Variants in NIBAN1 observed in about 807,000 individuals in gnomAD.
The protein encoded by NIBAN1 is protein Niban 1.
A neutral mutation model predicts 75.1 loss-of-function variants in NIBAN1; 81 were observed. The ratio of observed to expected loss-of-function variants is 1.08; its 90% CI spans 0.90 to 1.30. The LOEUF (loss-of-function observed/expected upper bound fraction) is 1.30, where lower values mean the gene tolerates loss of function less well. Among genes scored for constraint, NIBAN1 ranks in the 50% most tolerant of loss-of-function variants. The pLI is 0.00. For missense variants in NIBAN1, 1,133 were observed against 1,128.1 expected (o/e 1.00, Z -0.06); for synonymous variants, 436 against 424.8 (o/e 1.03, Z -0.32).
At chr1:184,820,122 CT>C (rs1174645346) in intron 8 of NIBAN1, among the ~76,000 whole-genome samples, 16 of 152,140 alleles carry the variant, frequency 1.1e-4, no homozygotes, top group Admixed American at 1.0e-3. Flanking sequence ...ATCTAAGAGT[CT>C]TCTAAAAATG....
At chr1:184,896,381 C>T (rs1656802125) in intron 2 of NIBAN1, among the ~76,000 whole-genome samples, 1 of 152,054 alleles carries the variant, frequency 6.6e-6, no homozygotes, top group African/African-American at 2.4e-5. Flanking sequence ...TGTTCATGTC[C>T]TTTGCCCAGT....
intron 5 of NIBAN1, among the ~76,000 whole-genome samples, chr1:184,856,497 T>C (rs1477874957): frequency 6.6e-6 from 1 of 152,130 alleles, no homozygotes; most frequent in African/African-American, 2.4e-5. Context: ...AGGTGACACA[T>C]TCAAAACATG....
At chr1:184,846,095 G>T (rs1467737304) in intron 5 of NIBAN1, among the ~76,000 whole-genome samples, 7 of 79,370 alleles carry the variant, frequency 8.8e-5, no homozygotes, top group Non-Finnish European at 1.5e-4. Context: ...AAAGCAGCCA[G>T]GAAGCTCGAA....
chr1:184,957,151 T>G (rs1454322031), intron 1 of NIBAN1, among the ~76,000 whole-genome samples: 1 of 152,236 alleles, frequency 6.6e-6, no homozygotes, highest in Non-Finnish European at 1.5e-5. Flanking sequence ...AAAAGATGCC[T>G]GGATTCAGCT....
intron 5 of NIBAN1, among the ~76,000 whole-genome samples, chr1:184,840,956 AGTGT>A (rs57091998): frequency 2.7e-5 from 4 of 148,084 alleles, no homozygotes; most frequent in South Asian, 2.2e-4. Context: ...AAAGAGTGTG[AGTGT>A]GTGTGTGTGT....
chr1:184,843,078 A>G (rs1484450718), intron 5 of NIBAN1, among the ~76,000 whole-genome samples: 1 of 152,250 alleles, frequency 6.6e-6, no homozygotes, highest in African/African-American at 2.4e-5. Flanking sequence ...ATGGTTAAAA[A>G]TAGTACCACA....
chr1:184,826,302 C>A (rs778261635), intron 6 of NIBAN1, among the ~76,000 whole-genome samples: 41 of 152,148 alleles, frequency 2.7e-4, no homozygotes, highest in Non-Finnish European at 1.0e-4. Context: ...TCTCTGGGGG[C>A]AGTCAAGAGA....
intron 1 of NIBAN1, among the ~76,000 whole-genome samples, chr1:184,972,887 C>T (rs1571616622): frequency 6.6e-6 from 1 of 152,166 alleles, no homozygotes; most frequent in Admixed American, 6.5e-5. Flanking sequence ...CATGCGTCCA[C>T]ATTAGGTGCT....
At chr1:184,842,675 C>G (rs1330717111) in intron 5 of NIBAN1, among the ~76,000 whole-genome samples, 1 of 140,704 alleles carries the variant, frequency 7.1e-6, no homozygotes, top group African/African-American at 2.7e-5. Context: ...ATCACTTGAA[C>G]CCGGGAGGCG....
chr1:184,863,957 T>A (rs1180085931), intron 5 of NIBAN1, among the ~76,000 whole-genome samples: 1 of 152,244 alleles, frequency 6.6e-6, no homozygotes, highest in Non-Finnish European at 1.5e-5. Flanking sequence ...CATTAAACAC[T>A]CAGTGTATTA....
Position 184,794,954 on chromosome 1 carries a change from A to G in NIBAN1, c.*23T>C. The G allele has an allele frequency of 6.2e-7, 1 of 1,604,558 alleles. No individual in the cohort carries two copies. The highest frequency in any genetic ancestry group is 8.5e-7 in the Non-Finnish European group (1 of 1,179,964). On this transcript the variant is annotated 3_prime_UTR_variant, in exon 14 of 14. Transcript: ENST00000367511. ...TAACCCTTTGGCTTTTTTCAGAGAAAGACTTCAGCCAAATTGTCCCTTTCA... is the reference window on the plus strand; with the variant it reads ...TAACCCTTTGGCTTTTTTCAGAGAAGGACTTCAGCCAAATTGTCCCTTTCA...
intron 5 of NIBAN1, among the ~76,000 whole-genome samples, chr1:184,843,702 A>G (rs1277087935): frequency 6.6e-6 from 1 of 152,192 alleles, no homozygotes; most frequent in Non-Finnish European, 1.5e-5. Flanking sequence ...GTGCAAAACT[A>G]TCTCCCAATC....
In NIBAN1 at chr1:184,809,673, G is replaced by GTA. The variant is rs767621572; in HGVS notation, c.1174-1440_1174-1439dup. Among the ~76,000 whole-genome samples the GTA allele has an allele frequency of 7.2e-4, 93 of 129,510 alleles. No homozygotes were observed. In the South Asian group the frequency reaches 9.6e-3, roughly 13 times the overall value. The allele number at this position is 129,510 out of a possible 152,430, so 85.0% of individuals were successfully genotyped here. A position where few individuals can be genotyped will look rare whatever the true frequency, so the allele number is the denominator to read the frequency against. ...TATATACACATATATATGTGTGTGT[G>GTA]TATATATATATACATATATATGTGT... On this transcript the variant is annotated intron_variant, in intron 9 of 13. Transcript: ENST00000367511.
intron 5 of NIBAN1, among the ~76,000 whole-genome samples, chr1:184,853,199 T>C (rs1655590989): frequency 1.3e-5 from 2 of 152,226 alleles, no homozygotes; most frequent in Non-Finnish European, 2.9e-5. Flanking sequence ...ATATACAAAA[T>C]CATCCAGTTA....
chr1:184,852,078 C>T (rs1421255169), intron 5 of NIBAN1, among the ~76,000 whole-genome samples: 2 of 152,108 alleles, frequency 1.3e-5, no homozygotes, highest in African/African-American at 4.8e-5. Flanking sequence ...TCCCTTAGGA[C>T]GGGCAGAGCT....
At chr1:184,905,657 G>A (rs547548982) in intron 1 of NIBAN1, among the ~76,000 whole-genome samples, 34 of 152,204 alleles carry the variant, frequency 2.2e-4, no homozygotes, top group African/African-American at 7.7e-4. Flanking sequence ...CCCAACCCGA[G>A]TAGAAACCTC....
intron 11 of NIBAN1, among the ~76,000 whole-genome samples, chr1:184,804,565 G>A (rs1654136244): frequency 6.6e-6 from 1 of 152,160 alleles, no homozygotes; most frequent in East Asian, 1.9e-4. Flanking sequence ...ACCACCCCTT[G>A]AGGGAACCTG....
intron 1 of NIBAN1, among the ~76,000 whole-genome samples, chr1:184,960,137 T>C (rs1303827770): frequency 6.6e-6 from 1 of 152,222 alleles, no homozygotes; most frequent in Non-Finnish European, 1.5e-5. Context: ...ATGGCAAATG[T>C]GTAATATCTG....
chr1:184,962,944 A>G (rs565263258), intron 1 of NIBAN1, among the ~76,000 whole-genome samples: 1 of 152,304 alleles, frequency 6.6e-6, no homozygotes, highest in East Asian at 1.9e-4. Context: ...GTATTGCTCT[A>G]TAAAATTATC....
Sources: allele counts gnomAD v4.1 joint callset (sites outside exome capture counted in the v4.1 genomes callset), GRCh38; gene constraint gnomAD v4.1.1; transcripts MANE v1.5; gene names NCBI Gene and HGNC (gene_info 2026-07-23, HGNC 2026-07-21).